The following FER variants were observed in gnomAD, a reference collection of about 807,000 sequenced individuals.
FER encodes the protein FER tyrosine kinase, also known as tyrosine-protein kinase Fer.
In FER, 63 loss-of-function variants were observed where a neutral mutation model predicts 111.0. That is an observed-to-expected ratio of 0.57 (90% CI 0.46 to 0.70). The LOEUF (loss-of-function observed/expected upper bound fraction) is 0.70. Among genes scored for constraint, FER ranks in the 30% least tolerant of loss-of-function variants. FER has a pLI of 0.00. For missense variants in FER, 914 were observed against 954.0 expected (o/e 0.96, Z 0.55); for synonymous variants, 327 against 313.9 (o/e 1.04, Z -0.44).
At chr5:108,965,264 T>C (rs530547221) in intron 13 of FER, among the ~76,000 whole-genome samples, 1 of 152,338 alleles carries the variant, frequency 6.6e-6, no homozygotes, top group South Asian at 2.1e-4. Context: ...TTCACTATTA[T>C]CAGCCACATC....
chr5:109,105,308 A>G (rs934891855), intron 17 of FER, among the ~76,000 whole-genome samples: 1 of 150,360 alleles, frequency 6.7e-6, no homozygotes, highest in African/African-American at 2.5e-5. Flanking sequence ...ATTAAGTAAA[A>G]GATTTGGTAT....
chr5:109,155,735 A>C (rs1470371363), intron 17 of FER, among the ~76,000 whole-genome samples: 1 of 152,010 alleles, frequency 6.6e-6, no homozygotes, highest in Admixed American at 6.6e-5. Context: ...GAAATGGATG[A>C]TAAAATAGAT....
chr5:108,989,382 C>A (rs1041942949), intron 13 of FER, among the ~76,000 whole-genome samples: 3 of 151,906 alleles, frequency 2.0e-5, no homozygotes, highest in African/African-American at 7.2e-5. Context: ...CTTTACATTA[C>A]AAATAATCAA....
chr5:108,785,221 C>A, intron 2 of FER: 1 of 604,600 alleles, frequency 1.7e-6, no homozygotes. Flanking sequence ...ATGGATCCCT[C>A]TGTGCATCTG....
intron 13 of FER, among the ~76,000 whole-genome samples, chr5:109,029,115 T>C (rs1769201421): frequency 6.6e-6 from 1 of 152,110 alleles, no homozygotes; most frequent in Non-Finnish European, 1.5e-5. Context: ...AAGCAGAAAC[T>C]GAATGAAACA....
intron 10 of FER, among the ~76,000 whole-genome samples, chr5:108,926,543 G>C (rs375998231): frequency 4.6e-5 from 7 of 152,228 alleles, no homozygotes; most frequent in African/African-American, 1.4e-4. Flanking sequence ...AATTCAACAA[G>C]TACATACTTA....
intron 17 of FER, among the ~76,000 whole-genome samples, chr5:109,115,765 A>G (rs1310426183): frequency 3.3e-5 from 5 of 152,084 alleles, no homozygotes; most frequent in Non-Finnish European, 7.4e-5. Flanking sequence ...TTTTATTTAT[A>G]AACTTGGTAG....
rs1313633151 is a variant in FER at position 109,037,555 on chromosome 5, AAAGC to A, written c.1713+78_1713+81del. Reference sequence around the variant, plus strand: ...GACTGCAGATTTTTTCATTTTCCTCAAAGCTTTTCTTATATTGCCACAAGGCACA... The same window carrying A: ...GACTGCAGATTTTTTCATTTTCCTCATTTTCTTATATTGCCACAAGGCACA... On this transcript the variant is annotated intron_variant, in intron 14 of 19. Coordinates refer to ENST00000281092, the MANE Select transcript of FER (RefSeq NM_005246.4). The A allele has an allele frequency of 4.9e-6, 6 of 1,214,004 alleles. No individual in the cohort carries two copies. In the South Asian group the frequency reaches 7.8e-5, roughly 16 times the overall value. 75.2% of individuals were successfully genotyped at this position (1,214,004 alleles called of 1,614,324 possible).
intron 1 of FER, among the ~76,000 whole-genome samples, chr5:108,753,376 A>G (rs1750715029): frequency 6.6e-6 from 1 of 152,164 alleles, no homozygotes; most frequent in Admixed American, 6.5e-5. Flanking sequence ...TGTTCTTTTT[A>G]TAAATCTTAG....
intron 17 of FER, among the ~76,000 whole-genome samples, chr5:109,154,096 G>C (rs986306344): frequency 2.6e-5 from 4 of 151,358 alleles, no homozygotes; most frequent in African/African-American, 7.3e-5. Flanking sequence ...AACCCATGCT[G>C]CTCGAAGAAC....
intron 17 of FER, among the ~76,000 whole-genome samples, chr5:109,130,502 A>G (rs949692808): frequency 2.2e-5 from 2 of 89,612 alleles, no homozygotes; most frequent in Non-Finnish European, 4.1e-5. Flanking sequence ...AAAAATATAA[A>G]CAGAAACAAA....
chr5:108,785,210 A>G (rs912799305), intron 2 of FER: 5 of 602,300 alleles, frequency 8.3e-6, no homozygotes, highest in African/African-American at 3.8e-5. Flanking sequence ...TATGTCTCCA[A>G]ATGGATCCCT....
chr5:108,886,381 G>A (rs1217287687), intron 9 of FER, among the ~76,000 whole-genome samples: 1 of 148,820 alleles, frequency 6.7e-6, no homozygotes, highest in Non-Finnish European at 1.5e-5. Context: ...CACATATTAT[G>A]CTGGGTATTT....
At chr5:108,883,310 C>A in intron 8 of FER, 86 bp from the exon 9 acceptor site, 1 of 1,291,576 alleles carries the variant, frequency 7.7e-7, no homozygotes, top group African/African-American at 1.5e-5. Context: ...TTGGACATTG[C>A]AACATAAGAT....
chr5:108,997,572 A>C (rs914885300), intron 13 of FER, among the ~76,000 whole-genome samples: 2 of 152,042 alleles, frequency 1.3e-5, no homozygotes, highest in African/African-American at 4.8e-5. Context: ...CCAGACTTCT[A>C]ATACTATGTT....
At chr5:109,182,417 T>A (rs1178104150) in intron 18 of FER, among the ~76,000 whole-genome samples, 1 of 152,152 alleles carries the variant, frequency 6.6e-6, no homozygotes, top group Non-Finnish European at 1.5e-5. Flanking sequence ...CTAGAAAAAA[T>A]GGCAGAGCTG....
At chr5:108,865,760 C>G (rs2150229660) in intron 5 of FER, among the ~76,000 whole-genome samples, 1 of 152,224 alleles carries the variant, frequency 6.6e-6, no homozygotes, top group South Asian at 2.1e-4. Context: ...ACAACCCCAT[C>G]AAAAAGTGGG....
At chr5:108,820,347 T>C (rs1758710822) in intron 3 of FER, 11 of 985,384 alleles carry the variant, frequency 1.1e-5, no homozygotes, top group Non-Finnish European at 1.3e-5. Context: ...TAATTTTTGG[T>C]AGGAGAAAAC....
At chr5:108,992,739 A>C (rs12186663) in intron 13 of FER, among the ~76,000 whole-genome samples, 8,667 of 150,322 alleles carry the variant, frequency 0.058, 372 homozygotes, top group South Asian at 0.12. Flanking sequence ...CTCACTTCCC[A>C]GACGGGGTGG....
Sources: allele counts gnomAD v4.1 joint callset (sites outside exome capture counted in the v4.1 genomes callset), GRCh38; gene constraint gnomAD v4.1.1; transcripts MANE v1.5; gene names NCBI Gene and HGNC (gene_info 2026-07-23, HGNC 2026-07-21).